Variants in REV3L observed in about 807,000 individuals in gnomAD.
The protein encoded by REV3L is DNA polymerase zeta catalytic subunit.
A neutral mutation model predicts 299.4 loss-of-function variants in REV3L; 69 were observed. The ratio of observed to expected loss-of-function variants is 0.23; its 90% CI spans 0.19 to 0.28. The LOEUF (loss-of-function observed/expected upper bound fraction) is 0.28. Among genes scored for constraint, REV3L ranks in the 10% least tolerant of loss-of-function variants. The pLI is 1.00. For synonymous variants in REV3L, 1,238 were observed against 1,271.4 expected, an observed-to-expected ratio of 0.97 and a Z score of 0.56; for missense variants, 3,128 against 3,693.8, an observed-to-expected ratio of 0.85 and a Z score of 3.97.
chr6:111,346,585 A>G (rs1777052471), intron 20 of REV3L, among the ~76,000 whole-genome samples: 1 of 152,120 alleles, frequency 6.6e-6, no homozygotes. Context: ...CTGGCCTCAA[A>G]ATGTCCTCCC....
chr6:111,342,877 G>A (rs1776663355), intron 21 of REV3L, among the ~76,000 whole-genome samples: 1 of 152,118 alleles, frequency 6.6e-6, no homozygotes, highest in Admixed American at 6.6e-5. Context: ...TGAGAGGCTG[G>A]AAGGGAACAA....
At chr6:111,323,051 C>G (rs1479253956) in intron 25 of REV3L, among the ~76,000 whole-genome samples, 2 of 151,330 alleles carry the variant, frequency 1.3e-5, no homozygotes, top group Non-Finnish European at 2.9e-5. Flanking sequence ...TGCAGTGGCA[C>G]AATCTTGGCT....
At chr6:111,465,084 TG>T (rs1167134381) in intron 1 of REV3L, among the ~76,000 whole-genome samples, 5 of 125,926 alleles carry the variant, frequency 4.0e-5, no homozygotes, top group African/African-American at 1.0e-4. Flanking sequence ...TATTTTTATT[TG>T]TTTTTTTTTT....
chr6:111,349,222 T>C lies in REV3L; in HGVS notation c.7415A>G (p.Asn2472Ser), dbSNP rs769885707. The C allele has an allele frequency of 6.6e-7, 1 of 1,510,428 alleles. No homozygotes were observed. Among genetic ancestry groups the C allele is most frequent in the South Asian group, 1.1e-5 (1 of 88,232 alleles). 93.6% of individuals were successfully genotyped at this position (1,510,428 alleles called of 1,614,324 possible). The change falls in exon 20 of 32, where the codon AAT becomes AGT. Residue 2472 changes from asparagine (N) to serine (S), a missense_variant. Physicochemically the swap from Asn to Ser is conservative, Grantham distance 46 (BLOSUM62 1). Around this residue, in one of 9 missense-constraint regions of REV3L, gnomAD observed 149 missense variants for 286.4 expected, o/e 0.52. Transcript: ENST00000368802. ...CATTTTGGATAAATCACCCACCTCA[T>C]TTCTCATGATTCTCCAAAGATTTAG... ...ITLNLWRIMR[N>S]EVALTNYTFE...
At chr6:111,315,487 C>T in intron 26 of REV3L, 106 bp from the exon 27 acceptor site, 1 of 725,490 alleles carries the variant, frequency 1.4e-6, no homozygotes, top group Non-Finnish European at 2.3e-6. Flanking sequence ...CCAAAGAAAA[C>T]TCCCTTTCTC....
intron 4 of REV3L, among the ~76,000 whole-genome samples, chr6:111,399,000 A>T (rs1227899718): frequency 6.6e-6 from 1 of 152,180 alleles, no homozygotes; most frequent in Admixed American, 6.6e-5. Flanking sequence ...GATGCCTTCA[A>T]ATCTGTAAAC....
intron 4 of REV3L, among the ~76,000 whole-genome samples, chr6:111,393,433 T>G (rs911285658): frequency 6.6e-6 from 1 of 152,206 alleles, no homozygotes; most frequent in South Asian, 2.1e-4. Flanking sequence ...ATGCATACAA[T>G]CTGTAATGAC....
At chr6:111,407,425 A>C (rs1226781969) in intron 3 of REV3L, among the ~76,000 whole-genome samples, 1 of 152,178 alleles carries the variant, frequency 6.6e-6, no homozygotes, top group Non-Finnish European at 1.5e-5. Flanking sequence ...AACCAACAAA[A>C]TGGCAGAAAT....
chr6:111,300,050 G>A lies in REV3L; in HGVS notation c.9359C>T (p.Ala3120Val), dbSNP rs1771304816. 6.2e-6 allele frequency: 10 copies of A among 1,613,604 alleles called. No individual in the cohort carries two copies. Among genetic ancestry groups the A allele is most frequent in the Non-Finnish European group, 8.5e-6 (10 of 1,179,736 alleles). ...LSRVNRELSK[A>V]PYLRQLLDQF The stretch of plus-strand genomic sequence containing the variant: ...GTCTAATAACTGCCGGAGATATGGT[G>A]CCTTGGACAATTCTCTATTTACTCG... Residue 3120 changes from alanine to valine, a missense_variant, in exon 32 of 32, where the codon GCA (alanine) becomes GTA (valine). Around this residue, in one of 9 missense-constraint regions of REV3L, gnomAD observed 294 missense variants for 377.0 expected, o/e 0.78. Transcript: ENST00000368802.
rs146748044 is a variant in REV3L, at chr6:111,374,660, T to A, written c.3695A>T (p.Lys1232Ile). The A allele has an allele frequency of 5.3e-4, 859 of 1,613,644 alleles. 8 individuals are homozygous for A. Among genetic ancestry groups the A allele is most frequent in the South Asian group, 2.7e-3 (244 of 90,966 alleles). ...CTTAACCTCAGCACCAGACTGAGAT[T>A]TTATTTTTTCATCCTTAAGTGTTGT... ...KHTTLKDEKI[K>I]SQSGAEVKFV... is the part of the protein sequence containing the mutation. The change falls in exon 13 of 32, where the codon AAA becomes ATA. Residue 1232 changes from lysine (K) to isoleucine (I), a missense_variant. By Grantham distance (102) the Lys-to-Ile change is moderately radical. Coordinates refer to ENST00000368802, the MANE Select transcript of REV3L (RefSeq NM_001372078.1).
chr6:111,409,797 A>C (rs976663552), intron 3 of REV3L, among the ~76,000 whole-genome samples: 3 of 152,184 alleles, frequency 2.0e-5, no homozygotes, highest in Admixed American at 2.0e-4. Flanking sequence ...TTTATTCTGC[A>C]GTAATCAGAA....
intron 1 of REV3L, among the ~76,000 whole-genome samples, chr6:111,429,272 C>T (rs375633555): frequency 9.2e-5 from 14 of 152,078 alleles, no homozygotes; most frequent in African/African-American, 2.7e-4. Flanking sequence ...TCTCTGCCTC[C>T]CAAAGTGCTA....
At chr6:111,442,508 A>T (rs1460236411) in intron 1 of REV3L, among the ~76,000 whole-genome samples, 1 of 152,134 alleles carries the variant, frequency 6.6e-6, no homozygotes, top group African/African-American at 2.4e-5. Context: ...CCACTGTTTT[A>T]CTTTCAAACT....
At chr6:111,413,225 T>C (rs924765697) in intron 2 of REV3L, among the ~76,000 whole-genome samples, 4 of 152,116 alleles carry the variant, frequency 2.6e-5, no homozygotes, top group Non-Finnish European at 5.9e-5. Flanking sequence ...TCTGGAAACA[T>C]GGGTTATCTT....
chr6:111,366,736 T>C (rs1255728777), intron 14 of REV3L, among the ~76,000 whole-genome samples: 1 of 152,168 alleles, frequency 6.6e-6, no homozygotes, highest in Non-Finnish European at 1.5e-5. Flanking sequence ...GATAAATCTT[T>C]TAAGAAATTT....
chr6:111,380,241 C>T (rs571045625), intron 10 of REV3L, 22 bp from the exon 11 acceptor site: 21 of 1,502,614 alleles, frequency 1.4e-5, no homozygotes, highest in Middle Eastern at 1.7e-4. Flanking sequence ...GTACAATAAT[C>T]ACCAACAAAT....
chr6:111,396,031 A>G (rs1008832787), intron 4 of REV3L, among the ~76,000 whole-genome samples: 3 of 151,858 alleles, frequency 2.0e-5, no homozygotes, highest in Non-Finnish European at 2.9e-5. Flanking sequence ...CACCCCTGAA[A>G]TAAGTTTTTT....
At chr6:111,431,445 A>C (rs1472297424) in intron 1 of REV3L, 1 of 1,043,094 alleles carries the variant, frequency 9.6e-7, no homozygotes, top group African/African-American at 1.6e-5. Context: ...GGAAGCTGAA[A>C]TATTCCAGAA....
At position 111,367,998 on chromosome 6, in the gene REV3L, T is replaced by C; in HGVS notation, c.5790A>G (p.Glu1930=). 1 of 1,611,176 alleles carries C rather than the reference T, an allele frequency of 6.2e-7. No individual in the cohort carries two copies. The highest frequency in any genetic ancestry group is 8.5e-7 in the Non-Finnish European group (1 of 1,178,906). The part of the protein sequence containing the change: ...REIGGRLLMV[E]TRLANDLAEF... ...CAGCCAGATCATTTGCAAGTCGAGTTTCTACCATGAGGAGCCGTCCACCAA... is the reference window on the plus strand; with the variant it reads ...CAGCCAGATCATTTGCAAGTCGAGTCTCTACCATGAGGAGCCGTCCACCAA... Residue 1930 remains glutamate, a synonymous_variant, in exon 14 of 32, where the codon GAA becomes GAG. Transcript: ENST00000368802.
Sources: gnomAD v4.1 joint callset for allele counts (sites outside exome capture counted in the v4.1 genomes callset) on GRCh38, gnomAD v4.1.1 for gene constraint, gnomAD v4.1.1 regional missense constraint, MANE v1.5 for transcripts, NCBI Gene and HGNC (gene_info 2026-07-23, HGNC 2026-07-21) for gene names.